Variants in CDH13 observed in about 807,000 individuals in gnomAD.
CDH13 encodes the protein cadherin 13.
Under a neutral mutation model 63.8 loss-of-function variants are expected in CDH13, and 24 were observed. The observed-to-expected ratio is 0.38, with a 90% CI of 0.27 to 0.53. The LOEUF (loss-of-function observed/expected upper bound fraction) is 0.53. Among genes scored for constraint, CDH13 ranks in the 20% least tolerant of loss-of-function variants. The probability of loss-of-function intolerance (pLI) is 0.85; values close to 1 mark genes in which losing one functional copy is unlikely to be tolerated. For missense variants in CDH13, 1,049 were observed against 903.1 expected (o/e 1.16, Z -2.07); for synonymous variants, 503 against 355.3 (o/e 1.42, Z -4.67).
At chr16:83,015,724 A>ATAGAGAG (rs1555562946) in intron 2 of CDH13, among the ~76,000 whole-genome samples, 2 of 49,096 alleles carry the variant, frequency 4.1e-5, no homozygotes, top group African/African-American at 1.2e-4. Context: ...TATATATATA[A>ATAGAGAG]AGAAAAAGCA....
At chr16:83,359,189 G>T (rs180925170) in intron 6 of CDH13, among the ~76,000 whole-genome samples, 1 of 152,228 alleles carries the variant, frequency 6.6e-6, no homozygotes, top group East Asian at 1.9e-4. Flanking sequence ...GGTTGAGATG[G>T]CTGATTCCCA....
At chr16:83,017,783 T>A (rs1371370143) in intron 2 of CDH13, among the ~76,000 whole-genome samples, 1 of 152,216 alleles carries the variant, frequency 6.6e-6, no homozygotes, top group African/African-American at 2.4e-5. Context: ...TGTGTTCATA[T>A]GAACCAACAC....
At chr16:83,089,988 C>T (rs917841063) in intron 3 of CDH13, among the ~76,000 whole-genome samples, 1 of 152,144 alleles carries the variant, frequency 6.6e-6, no homozygotes, top group African/African-American at 2.4e-5. Context: ...TCTAAGATCC[C>T]TCACATTTGA....
In CDH13 at chr16:82,783,089, C is replaced by A. The variant is rs184709153; in HGVS notation, c.46-75273C>A. ...ATGCTTGTTGACAACAGGTGTGGCT[C>A]AATGTGAGCAAACGTTCCATTCCGT... On this transcript the variant is annotated intron_variant, in intron 1 of 13. Transcript: ENST00000567109. Among the ~76,000 whole-genome samples the A allele has an allele frequency of 2.1e-4, 32 of 152,264 alleles. No homozygotes were observed. The East Asian group carries it at 5.4e-3, about 26-fold the overall frequency.
At chr16:83,092,770 T>C (rs540012749) in intron 3 of CDH13, among the ~76,000 whole-genome samples, 1 of 152,332 alleles carries the variant, frequency 6.6e-6, no homozygotes, top group African/African-American at 2.4e-5. Flanking sequence ...AAGCCGATCT[T>C]ATCTAGATTC....
At chr16:82,712,557 C>G (rs1387537099) in intron 1 of CDH13, among the ~76,000 whole-genome samples, 1 of 152,234 alleles carries the variant, frequency 6.6e-6, no homozygotes, top group Non-Finnish European at 1.5e-5. Flanking sequence ...TGTGCCCCAC[C>G]TATCACACCT....
intron 7 of CDH13, among the ~76,000 whole-genome samples, chr16:83,517,359 A>C (rs541197213): frequency 8.5e-5 from 13 of 152,260 alleles, no homozygotes; most frequent in Non-Finnish European, 1.9e-4. Context: ...ATAGCGCAAC[A>C]AAGTTTCTTT....
At chr16:82,791,970 G>A (rs892837423) in intron 1 of CDH13, among the ~76,000 whole-genome samples, 1 of 152,102 alleles carries the variant, frequency 6.6e-6, no homozygotes, top group African/African-American at 2.4e-5. Context: ...ACAAAGACCC[G>A]CCCGTATCAT....
At chr16:83,779,791 G>C (rs1009166085) in intron 11 of CDH13, among the ~76,000 whole-genome samples, 177 bp from the exon 12 acceptor site, 1 of 152,208 alleles carries the variant, frequency 6.6e-6, no homozygotes, top group Non-Finnish European at 1.5e-5. Flanking sequence ...CCAGGAGGTT[G>C]TGGCTGCAGT....
At position 83,258,307 on chromosome 16, in the gene CDH13, C is replaced by T. The variant is rs577324906; in HGVS notation, c.636+40810C>T. 2.0e-5 allele frequency among the ~76,000 whole-genome samples: 3 copies of T among 152,320 alleles called. No homozygotes were observed. In the South Asian group the frequency reaches 6.2e-4, roughly 32 times the overall value. On this transcript the variant is annotated intron_variant, in intron 5 of 13. Transcript: ENST00000567109. Reference sequence around the variant, plus strand: ...AAAAGGTATATTCTATGTGAAATTGCAGCACCCTATTGGAAATGGCCTGCT... The same window carrying T: ...AAAAGGTATATTCTATGTGAAATTGTAGCACCCTATTGGAAATGGCCTGCT...
chr16:83,358,134 G>C (rs1185517253), intron 6 of CDH13, among the ~76,000 whole-genome samples: 1 of 152,166 alleles, frequency 6.6e-6, no homozygotes, highest in Non-Finnish European at 1.5e-5. Context: ...TACCTTAGCA[G>C]CAGGTGTCCG....
rs191222961 is a variant in CDH13, at chr16:82,639,810, C to T, written c.45+12673C>T. On this transcript the variant is annotated intron_variant, in intron 1 of 13. Transcript: ENST00000567109. ...TCCATTTTCCGTACTAGCCACAGAG[C>T]AGCGAGAGCATGGCCTTTGCCCTCC... Among the ~76,000 whole-genome samples, 41 of 152,366 alleles carry T rather than the reference C, an allele frequency of 2.7e-4. 1 individual carries two copies. The East Asian group carries it at 7.7e-3, about 29-fold the overall frequency.
intron 3 of CDH13, among the ~76,000 whole-genome samples, chr16:83,062,488 A>T (rs754447932): frequency 1.3e-5 from 2 of 152,148 alleles, no homozygotes; most frequent in Non-Finnish European, 1.5e-5. Flanking sequence ...TAAATAGTCA[A>T]TGATTCTTGT....
intron 1 of CDH13, among the ~76,000 whole-genome samples, chr16:82,780,968 G>T (rs1318825057): frequency 6.6e-6 from 1 of 152,212 alleles, no homozygotes; most frequent in African/African-American, 2.4e-5. Flanking sequence ...TTTGAATCAG[G>T]GTCACATTTG....
intron 1 of CDH13, among the ~76,000 whole-genome samples, chr16:82,776,904 A>C (rs934746553): frequency 6.6e-6 from 1 of 152,212 alleles, no homozygotes; most frequent in Non-Finnish European, 1.5e-5. Context: ...ATTCAGAGTC[A>C]TCAAGCTAAC....
intron 1 of CDH13, among the ~76,000 whole-genome samples, chr16:82,696,515 T>G (rs915877551): frequency 2.6e-5 from 4 of 152,322 alleles, no homozygotes; most frequent in Non-Finnish European, 5.9e-5. Context: ...CACCTTTGGT[T>G]TTGATGGCAG....
At chr16:83,521,401 A>G (rs1370401923) in intron 7 of CDH13, among the ~76,000 whole-genome samples, 1 of 152,200 alleles carries the variant, frequency 6.6e-6, no homozygotes, top group Non-Finnish European at 1.5e-5. Context: ...TTTTTATGCT[A>G]ATAGAGTAGT....
intron 7 of CDH13, among the ~76,000 whole-genome samples, chr16:83,492,451 C>T (rs2130157): frequency 1.3e-5 from 2 of 151,914 alleles, no homozygotes; most frequent in African/African-American, 4.8e-5. Context: ...ACAATTTCTT[C>T]GAGCTATTTA....
At chr16:82,677,829 T>C (rs1914106291) in intron 1 of CDH13, among the ~76,000 whole-genome samples, 2 of 151,628 alleles carry the variant, frequency 1.3e-5, no homozygotes, top group African/African-American at 4.8e-5. Context: ...TTTCAGTGGG[T>C]CCTGGTTAAG....
Sources: allele counts gnomAD v4.1 joint callset (sites outside exome capture counted in the v4.1 genomes callset), GRCh38; gene constraint gnomAD v4.1.1; transcripts MANE v1.5; gene names NCBI Gene and HGNC (gene_info 2026-07-23, HGNC 2026-07-21).